The following GPR158 variants were observed in gnomAD, a reference collection of about 807,000 sequenced individuals.
The protein encoded by GPR158 is metabotropic glycine receptor.
GPR158 carries 30 observed loss-of-function variants against 78.2 expected under a neutral mutation model. The observed-to-expected ratio is 0.38, with a 90% confidence interval of 0.29 to 0.52. The LOEUF (loss-of-function observed/expected upper bound fraction) is 0.52. GPR158 is among the 20% of genes least tolerant of loss of function. The pLI is 0.83. For synonymous variants in GPR158, 581 were observed against 591.1 expected (o/e 0.98, Z 0.25); for missense variants, 1,463 against 1,523.5 (o/e 0.96, Z 0.66).
intron 6 of GPR158, among the ~76,000 whole-genome samples, chr10:25,557,569 G>A (rs1173381294): frequency 6.6e-6 from 1 of 152,176 alleles, no homozygotes; most frequent in African/African-American, 2.4e-5. Flanking sequence ...CTACTGTCCT[G>A]TCCGGCATGC....
intron 3 of GPR158, among the ~76,000 whole-genome samples, chr10:25,407,620 A>G (rs1834531881): frequency 6.6e-6 from 1 of 152,048 alleles, no homozygotes; most frequent in Admixed American, 6.6e-5. Flanking sequence ...GTTAATGGTA[A>G]CTTTTTTCTT....
rs147195066 is a variant in GPR158, at chr10:25,566,057, C to A, written c.1515-6592C>A. 6.9e-4 allele frequency among the ~76,000 whole-genome samples: 105 copies of A among 152,214 alleles called. 2 individuals are homozygous for A. The East Asian group carries it at 0.018, about 26-fold the overall frequency. On this transcript the variant is annotated intron_variant, in intron 6 of 10. Coordinates refer to ENST00000376351, the MANE Select transcript of GPR158 (RefSeq NM_020752.3). ...ATTTTGAGGAAAACCGGAATTGCAA[C>A]TTAGGTTTTATCTACTTTATAACCC...
intron 4 of GPR158, among the ~76,000 whole-genome samples, chr10:25,457,445 T>A (rs1249541539): frequency 6.6e-6 from 1 of 152,058 alleles, no homozygotes; most frequent in African/African-American, 2.4e-5. Context: ...CTGTATGCTT[T>A]TTTTTTCATT....
intron 4 of GPR158, among the ~76,000 whole-genome samples, chr10:25,464,742 A>G (rs951826868): frequency 2.0e-5 from 3 of 152,122 alleles, no homozygotes; most frequent in Non-Finnish European, 2.9e-5. Context: ...CATACAAATT[A>G]TTTTACAGAC....
At chr10:25,210,143 C>T (rs1385032622) in intron 1 of GPR158, among the ~76,000 whole-genome samples, 1 of 152,204 alleles carries the variant, frequency 6.6e-6, no homozygotes, top group Non-Finnish European at 1.5e-5. Context: ...TTCCCTTGAA[C>T]CCACCCCATT....
chr10:25,200,732 C>T (rs114613483), intron 1 of GPR158, among the ~76,000 whole-genome samples: 1,819 of 152,204 alleles, frequency 0.012, 47 homozygotes, highest in African/African-American at 0.042. Flanking sequence ...AGCCAGTTAT[C>T]TCAGCACCAT....
At chr10:25,372,546 A>G (rs545312215) in intron 2 of GPR158, among the ~76,000 whole-genome samples, 1 of 147,336 alleles carries the variant, frequency 6.8e-6, no homozygotes, top group East Asian at 2.0e-4. Flanking sequence ...TGATGAGTTC[A>G]TGTCCTTTGT....
intron 2 of GPR158, among the ~76,000 whole-genome samples, chr10:25,286,081 A>G (rs897605352): frequency 1.3e-5 from 2 of 151,988 alleles, no homozygotes; most frequent in African/African-American, 2.4e-5. Flanking sequence ...TTAGTTAACA[A>G]CTGTTTGAAT....
intron 1 of GPR158, among the ~76,000 whole-genome samples, chr10:25,196,323 T>C (rs968152535): frequency 3.3e-5 from 5 of 152,080 alleles, no homozygotes; most frequent in Non-Finnish European, 7.4e-5. Context: ...TCATGAACCC[T>C]TTTTTTGCTC....
At chr10:25,371,888 G>T (rs1482263730) in intron 2 of GPR158, among the ~76,000 whole-genome samples, 1 of 137,848 alleles carries the variant, frequency 7.3e-6, no homozygotes, top group Non-Finnish European at 1.6e-5. Context: ...CTTCTGCACA[G>T]CAAAAGAAAC....
chr10:25,182,706 T>TTA (rs1157457818), intron 1 of GPR158, among the ~76,000 whole-genome samples: 1 of 152,204 alleles, frequency 6.6e-6, no homozygotes, highest in Non-Finnish European at 1.5e-5. Flanking sequence ...TTTTTCAGTC[T>TTA]TAAGAGTGCT....
At chr10:25,341,706 A>C (rs1471712252) in intron 2 of GPR158, among the ~76,000 whole-genome samples, 1 of 151,678 alleles carries the variant, frequency 6.6e-6, no homozygotes, top group Non-Finnish European at 1.5e-5. Flanking sequence ...TTCATAAACT[A>C]TTATTTTTTA....
chr10:25,355,530 T>C (rs1036699413), intron 2 of GPR158, among the ~76,000 whole-genome samples: 2 of 152,190 alleles, frequency 1.3e-5, no homozygotes, highest in Middle Eastern at 6.8e-3. Context: ...CTCCTTTATC[T>C]GTTTGAGGAG....
At chr10:25,232,228 A>G (rs1853458397) in intron 2 of GPR158, among the ~76,000 whole-genome samples, 2 of 152,224 alleles carry the variant, frequency 1.3e-5, no homozygotes, top group Admixed American at 6.5e-5. Context: ...CAATCAGAAT[A>G]TACAGTGAGT....
intron 1 of GPR158, among the ~76,000 whole-genome samples, chr10:25,192,277 G>A (rs1002075556): frequency 4.6e-5 from 7 of 152,172 alleles, no homozygotes; most frequent in Admixed American, 6.5e-5. Context: ...TTCACCTTCC[G>A]CCACGGTTTT....
chr10:25,253,923 C>A (rs1266127678), intron 2 of GPR158, among the ~76,000 whole-genome samples: 1 of 152,114 alleles, frequency 6.6e-6, no homozygotes, highest in Non-Finnish European at 1.5e-5. Flanking sequence ...ATTGTAGGAA[C>A]CATAGAAAAG....
chr10:25,176,612 C>T lies in GPR158; in HGVS notation c.902+290C>T, dbSNP rs1419206767. Among the ~76,000 whole-genome samples the T allele has an allele frequency of 6.6e-6, 1 of 152,240 alleles. No individual in the cohort carries two copies. Among genetic ancestry groups the T allele is most frequent in the Non-Finnish European group, 1.5e-5 (1 of 68,038 alleles). On this transcript the variant is annotated intron_variant, in intron 1 of 10. Coordinates refer to ENST00000376351, the MANE Select transcript of GPR158 (RefSeq NM_020752.3). The surrounding 1 kb of genome is among the most constrained non-coding windows in gnomAD (Gnocchi z 6.3). Reference sequence around the variant, plus strand: ...GCCCTTGGCAGGACGGAGACACCCCCGCTGCTCTGTGCTTCCCTCCAATTG... The same window carrying T: ...GCCCTTGGCAGGACGGAGACACCCCTGCTGCTCTGTGCTTCCCTCCAATTG...
chr10:25,345,459 T>C (rs1855359701), intron 2 of GPR158, among the ~76,000 whole-genome samples: 1 of 152,020 alleles, frequency 6.6e-6, no homozygotes, highest in African/African-American at 2.4e-5. Flanking sequence ...AATGTTATAA[T>C]GTAGTCATTT....
rs558799563 is a variant in GPR158 at position 25,521,545 on chromosome 10, C to T, written c.1405-29431C>T. ...TTTTCTGGCAACTTAGAGATTTCTTCTTGGTTTGGATCCATTGCTGGTGAG... is the reference window on the plus strand; with the variant it reads ...TTTTCTGGCAACTTAGAGATTTCTTTTTGGTTTGGATCCATTGCTGGTGAG... On this transcript the variant is annotated intron_variant, in intron 5 of 10. Transcript: ENST00000376351. Among the ~76,000 whole-genome samples, 105 of 152,254 alleles carry T rather than the reference C, an allele frequency of 6.9e-4. 1 individual carries two copies. Among genetic ancestry groups the T allele is most frequent in the African/African-American group, 2.3e-3 (97 of 41,548 alleles).
Sources: gnomAD v4.1 joint callset for allele counts (sites outside exome capture counted in the v4.1 genomes callset) on GRCh38, gnomAD v4.1.1 for gene constraint, Gnocchi (gnomAD v3.1) non-coding constraint, MANE v1.5 for transcripts, NCBI Gene and HGNC (gene_info 2026-07-23, HGNC 2026-07-21) for gene names.